The following USH2A variants were observed in gnomAD, a reference collection of about 807,000 sequenced individuals.
The protein encoded by USH2A is Usher syndrome 2A (autosomal recessive, mild).
USH2A carries 443 observed loss-of-function variants against 538.9 expected under a neutral mutation model. The observed-to-expected ratio is 0.82, with a 90% CI of 0.76 to 0.89. USH2A has a LOEUF of 0.89. Ranked by LOEUF, USH2A falls within the 40% of genes least tolerant of loss-of-function variation. The pLI, the probability that USH2A is intolerant of heterozygous loss-of-function variation, is 0.00. For missense variants in USH2A, 6,633 were observed against 6,324.8 expected (o/e 1.05, Z -1.65); for synonymous variants, 2,413 against 2,273.5 (o/e 1.06, Z -1.75).
intron 21 of USH2A, among the ~76,000 whole-genome samples, chr1:216,139,620 A>T (rs1288454130): frequency 6.6e-6 from 1 of 152,152 alleles, no homozygotes; most frequent in African/African-American, 2.4e-5. Context: ...ATGTTTATTT[A>T]GTCTTCCCAA....
chr1:216,087,543 G>A (rs965055836), intron 23 of USH2A, among the ~76,000 whole-genome samples: 2 of 152,014 alleles, frequency 1.3e-5, no homozygotes, highest in African/African-American at 4.8e-5. Flanking sequence ...TCTGTCAAAG[G>A]CCAGACAGTG....
intron 61 of USH2A, among the ~76,000 whole-genome samples, chr1:215,715,010 A>G (rs904816110): frequency 6.6e-6 from 1 of 152,182 alleles, no homozygotes; most frequent in Non-Finnish European, 1.5e-5. Context: ...AAGTTCCGGG[A>G]TACACGTGCA....
At chr1:216,098,208 C>T (rs941685410) in intron 21 of USH2A, among the ~76,000 whole-genome samples, 2 of 152,196 alleles carry the variant, frequency 1.3e-5, no homozygotes, top group African/African-American at 4.8e-5. Context: ...GGAGCTCTTG[C>T]CCTGTATAAG....
In USH2A at chr1:216,097,572, G is replaced by A. The variant is rs541963425; in HGVS notation, c.4628-359C>T. ...AAATAAATGGGTTTTTGACAAGAGT[G>A]AAAGAAACACAGAGGGTCTTGCTTA... is the stretch of plus-strand genomic sequence containing the variant. On this transcript the variant is annotated intron_variant, in intron 21 of 71. Coordinates refer to ENST00000307340, the MANE Select transcript of USH2A (RefSeq NM_206933.4). Among the ~76,000 whole-genome samples, 51 of 152,284 alleles carry A rather than the reference G, an allele frequency of 3.3e-4. No individual in the cohort carries two copies. In the South Asian group the frequency reaches 1.0e-2, roughly 30 times the overall value.
rs2032645987 is a variant in USH2A, at chr1:216,103,613, C to T, written c.4628-6400G>A. On this transcript the variant is annotated intron_variant, in intron 21 of 71. Coordinates refer to ENST00000307340, the MANE Select transcript of USH2A (RefSeq NM_206933.4). ...GTCCCTAGTATGAATGAAAAAGCTG[C>T]TAAAAAGTTACTATAGATTTTTTTA... 3.3e-5 allele frequency among the ~76,000 whole-genome samples: 5 copies of T among 152,038 alleles called. No individual in the cohort carries two copies. In the South Asian group the frequency reaches 1.0e-3, roughly 32 times the overall value.
In USH2A at chr1:216,022,163, G is replaced by A. The variant is rs535990183; in HGVS notation, c.6326-21601C>T. ...TGCTTCCTGTACAGCCTCCAGAACC[G>A]TGAGCCAATTAAACCTCTTTTCTTT... is the stretch of plus-strand genomic sequence containing the variant. On this transcript the variant is annotated intron_variant, in intron 32 of 71. Coordinates refer to ENST00000307340, the MANE Select transcript of USH2A (RefSeq NM_206933.4). Among the ~76,000 whole-genome samples, 12 of 152,180 alleles carry A rather than the reference G, an allele frequency of 7.9e-5. No homozygotes were observed. The South Asian group carries it at 1.2e-3, about 16-fold the overall frequency.
chr1:215,826,362 C>T (rs147652608), intron 47 of USH2A, among the ~76,000 whole-genome samples: 32 of 152,294 alleles, frequency 2.1e-4, no homozygotes, highest in African/African-American at 6.5e-4. Flanking sequence ...TCAAGAAAAA[C>T]ATACAATTGC....
At chr1:215,662,024 A>G (rs569760738) in intron 64 of USH2A, among the ~76,000 whole-genome samples, 20 of 152,322 alleles carry the variant, frequency 1.3e-4, no homozygotes, top group African/African-American at 4.3e-4. Context: ...GGGAGAGTGC[A>G]TGGATTTTAG....
intron 26 of USH2A, among the ~76,000 whole-genome samples, chr1:216,082,719 T>C (rs571000334): frequency 3.3e-5 from 5 of 152,124 alleles, no homozygotes; most frequent in Non-Finnish European, 5.9e-5. Context: ...TAAAAATGTT[T>C]ATAGCAGTCT....
intron 30 of USH2A, among the ~76,000 whole-genome samples, chr1:216,057,669 A>G (rs759429678): frequency 3.3e-5 from 5 of 152,138 alleles, no homozygotes; most frequent in Non-Finnish European, 7.4e-5. Flanking sequence ...CCTCGGCAAC[A>G]GAGCAAGATT....
intron 35 of USH2A, among the ~76,000 whole-genome samples, chr1:215,975,133 G>A (rs998549019): frequency 1.3e-5 from 2 of 152,210 alleles, no homozygotes; most frequent in East Asian, 3.9e-4. Context: ...GCCTTCTTTT[G>A]AGAAGTGTCT....
chr1:216,314,735 T>A (rs961492212), intron 9 of USH2A, among the ~76,000 whole-genome samples: 2 of 152,182 alleles, frequency 1.3e-5, no homozygotes, highest in African/African-American at 4.8e-5. Context: ...TAACAAAAAT[T>A]TATACTGATA....
rs1662220406 is a variant in USH2A at position 215,798,953 on chromosome 1, T to C, written c.9912A>G (p.Leu3304=). The change falls in exon 50 of 72, where the codon TTA becomes TTG. Residue 3304 remains leucine, a synonymous_variant. Coordinates refer to ENST00000307340, the MANE Select transcript of USH2A (RefSeq NM_206933.4). ...CTCCTTCTTCTCCACCACAACACTCTAAATCGTTGCTCACAATCTGTCTGC... is the reference window on the plus strand; with the variant it reads ...CTCCTTCTTCTCCACCACAACACTCCAAATCGTTGCTCACAATCTGTCTGC... ...CCGRQIVSND[L]ECCGGEEGVV... 2 of 1,614,122 alleles carry C rather than the reference T, an allele frequency of 1.2e-6. No homozygotes were observed. Among genetic ancestry groups the C allele is most frequent in the South Asian group, 1.1e-5 (1 of 91,082 alleles).
chr1:215,735,706 T>A (rs1180271517), intron 60 of USH2A, among the ~76,000 whole-genome samples: 1 of 152,006 alleles, frequency 6.6e-6, no homozygotes, highest in African/African-American at 2.4e-5. Flanking sequence ...TATATACATA[T>A]ATATGTAAAA....
At chr1:215,681,824 G>T (rs1658240646) in intron 61 of USH2A, among the ~76,000 whole-genome samples, 1 of 152,136 alleles carries the variant, frequency 6.6e-6, no homozygotes, top group Admixed American at 6.5e-5. Context: ...AACTTGTAAA[G>T]TCAATTTTCC....
At chr1:216,081,725 G>C (rs1178629078) in intron 26 of USH2A, among the ~76,000 whole-genome samples, 1 of 151,824 alleles carries the variant, frequency 6.6e-6, no homozygotes, top group East Asian at 1.9e-4. Context: ...CCGAGTAGCT[G>C]GAACTAGCTA....
At chr1:215,843,206 G>T (rs978474127) in intron 46 of USH2A, among the ~76,000 whole-genome samples, 3 of 152,102 alleles carry the variant, frequency 2.0e-5, no homozygotes, top group African/African-American at 7.2e-5. Flanking sequence ...AAAAGTTTCT[G>T]TGGTCATATA....
intron 62 of USH2A, among the ~76,000 whole-genome samples, chr1:215,678,402 C>T (rs1658103427): frequency 6.6e-6 from 1 of 152,148 alleles, no homozygotes; most frequent in Non-Finnish European, 1.5e-5. Context: ...TCTTCTCTTT[C>T]CTTGAATACA....
chr1:216,073,437 G>T, intron 27 of USH2A, 137 bp from the exon 28 acceptor site: 1 of 920,414 alleles, frequency 1.1e-6, no homozygotes, highest in Non-Finnish European at 1.7e-6. Flanking sequence ...GTCTTCCTTG[G>T]AAAACCTTTT....
Sources: allele counts gnomAD v4.1 joint callset (sites outside exome capture counted in the v4.1 genomes callset), GRCh38; gene constraint gnomAD v4.1.1; transcripts MANE v1.5; gene names NCBI Gene and HGNC (gene_info 2026-07-23, HGNC 2026-07-21).